The following ZFHX3 variants were observed in gnomAD, a reference collection of about 807,000 sequenced individuals.
ZFHX3 encodes the protein zinc finger homeobox protein 3.
A neutral mutation model predicts 279.1 loss-of-function variants in ZFHX3; 42 were observed. The observed-to-expected ratio is 0.15, with a 90% CI of 0.12 to 0.19. ZFHX3 has a LOEUF of 0.19. Ranked by LOEUF, ZFHX3 falls within the 10% of genes least tolerant of loss-of-function variation. The pLI is 1.00. For missense variants in ZFHX3, 4,981 were observed against 4,754.0 expected (o/e 1.05, Z -1.40); for synonymous variants, 2,293 against 1,957.8 (o/e 1.17, Z -4.52).
intron 1 of ZFHX3, among the ~76,000 whole-genome samples, chr16:73,705,305 G>A (rs112878641): frequency 2.6e-5 from 4 of 152,156 alleles, no homozygotes; most frequent in South Asian, 4.1e-4. Context: ...ACACAGATTC[G>A]CCTCAGTCAC....
chr16:73,143,681 CT>C, intron 6 of ZFHX3: 3 of 1,160,626 alleles, frequency 2.6e-6, no homozygotes, highest in Non-Finnish European at 1.2e-6. Flanking sequence ...GCTGGTTAGT[CT>C]TTTTTGACTG....
intron 1 of ZFHX3, among the ~76,000 whole-genome samples, chr16:73,847,280 C>T (rs941091657): frequency 6.6e-6 from 1 of 152,086 alleles, no homozygotes; most frequent in Non-Finnish European, 1.5e-5. Context: ...CAGCCTGGGC[C>T]ACAAGAGGGC....
intron 2 of ZFHX3, among the ~76,000 whole-genome samples, chr16:73,643,665 C>G (rs1010028432): frequency 2.6e-5 from 4 of 152,190 alleles, no homozygotes; most frequent in African/African-American, 9.6e-5. Flanking sequence ...TCCAGTGTTT[C>G]CATTGACATC....
chr16:73,720,451 G>A (rs1299820085), intron 1 of ZFHX3, among the ~76,000 whole-genome samples: 1 of 152,150 alleles, frequency 6.6e-6, no homozygotes, highest in Non-Finnish European at 1.5e-5. Flanking sequence ...GTTAAATGGT[G>A]ACATAAAATT....
chr16:73,159,103 T>G (rs112655319), intron 5 of ZFHX3, among the ~76,000 whole-genome samples: 19,996 of 152,162 alleles, frequency 0.13, 1,358 homozygotes, highest in Admixed American at 0.17. Flanking sequence ...CTAAAGAGCA[T>G]CTGCACAACA....
intron 5 of ZFHX3, among the ~76,000 whole-genome samples, chr16:73,158,320 A>C (rs1050457991): frequency 6.6e-6 from 1 of 152,172 alleles, no homozygotes; most frequent in African/African-American, 2.4e-5. Flanking sequence ...ACAACTGAAT[A>C]GTTTAAAATC....
intron 2 of ZFHX3, among the ~76,000 whole-genome samples, chr16:72,951,695 A>G (rs1961009180): frequency 6.6e-6 from 1 of 152,230 alleles, no homozygotes. Flanking sequence ...CTGCAATCGT[A>G]ACATACCAAG....
chr16:72,934,732 C>T (rs903161775), intron 3 of ZFHX3, among the ~76,000 whole-genome samples: 2 of 152,160 alleles, frequency 1.3e-5, no homozygotes, highest in Admixed American at 6.5e-5. Context: ...CTTTGTATTA[C>T]GTATCACAGT....
chr16:73,180,290 G>T (rs759472642), intron 5 of ZFHX3, among the ~76,000 whole-genome samples: 1 of 152,118 alleles, frequency 6.6e-6, no homozygotes, highest in Non-Finnish European at 1.5e-5. Context: ...AAGAGATTCA[G>T]GGCTCATACC....
intron 4 of ZFHX3, among the ~76,000 whole-genome samples, chr16:72,855,824 T>C (rs1409012883): frequency 6.6e-6 from 1 of 152,108 alleles, no homozygotes; most frequent in Non-Finnish European, 1.5e-5. Flanking sequence ...AACTGCAGCC[T>C]AGATAAGTTG....
At chr16:73,184,910 A>G (rs1331595653) in intron 5 of ZFHX3, among the ~76,000 whole-genome samples, 1 of 152,198 alleles carries the variant, frequency 6.6e-6, no homozygotes, top group African/African-American at 2.4e-5. Context: ...GAAAGTAGGA[A>G]CCAGGCTGGT....
At chr16:73,659,134 C>T (rs1189695065) in intron 2 of ZFHX3, among the ~76,000 whole-genome samples, 2 of 152,182 alleles carry the variant, frequency 1.3e-5, no homozygotes, top group African/African-American at 2.4e-5. Flanking sequence ...ATATGGTTCC[C>T]GCAGTATGCA....
chr16:73,889,450 A>T (rs1051489311), intron 1 of ZFHX3, among the ~76,000 whole-genome samples: 2 of 152,200 alleles, frequency 1.3e-5, no homozygotes, highest in African/African-American at 4.8e-5. Flanking sequence ...TGCAAGCCCC[A>T]GTGCATCTCC....
chr16:73,629,258 C>G (rs1223706559), intron 2 of ZFHX3, among the ~76,000 whole-genome samples: 1 of 152,114 alleles, frequency 6.6e-6, no homozygotes, highest in Non-Finnish European at 1.5e-5. Context: ...TGTATGTTGC[C>G]TGGAATTTCA....
At chr16:72,849,594 T>C (rs563620895) in intron 4 of ZFHX3, among the ~76,000 whole-genome samples, 1 of 152,300 alleles carries the variant, frequency 6.6e-6, no homozygotes, top group South Asian at 2.1e-4. Context: ...ATAACATTAA[T>C]TACCACGTTC....
At chr16:73,439,364 T>G (rs1316960408) in intron 3 of ZFHX3, among the ~76,000 whole-genome samples, 1 of 152,170 alleles carries the variant, frequency 6.6e-6, no homozygotes, top group Non-Finnish European at 1.5e-5. Context: ...TTTGCTACCT[T>G]TGAGCTCAGC....
chr16:73,690,223 A>G (rs2053135271), intron 1 of ZFHX3, among the ~76,000 whole-genome samples: 1 of 152,116 alleles, frequency 6.6e-6, no homozygotes, highest in African/African-American at 2.4e-5. Context: ...AGAAGCACAA[A>G]CAAGGTTTTA....
At chr16:72,925,848 C>T (rs1180898639) in intron 3 of ZFHX3, among the ~76,000 whole-genome samples, 2 of 152,174 alleles carry the variant, frequency 1.3e-5, no homozygotes. Flanking sequence ...CTCTTGAAGA[C>T]AGGAGGAAAA....
At chr16:73,597,219 G>A (rs939904249) in intron 2 of ZFHX3, among the ~76,000 whole-genome samples, 1 of 152,056 alleles carries the variant, frequency 6.6e-6, no homozygotes, top group Non-Finnish European at 1.5e-5. Flanking sequence ...CAGCAACCAC[G>A]TCAACTCTTC....
Sources: allele counts gnomAD v4.1 joint callset (sites outside exome capture counted in the v4.1 genomes callset), GRCh38; gene constraint gnomAD v4.1.1; transcripts MANE v1.5; gene names NCBI Gene and HGNC (gene_info 2026-07-23, HGNC 2026-07-21).